The following TTLL3 variants were observed in gnomAD, a reference collection of about 807,000 sequenced individuals.
The protein encoded by TTLL3 is tubulin tyrosine ligase like 3, also known as tubulin monoglycylase TTLL3.
TTLL3 carries 63 observed loss-of-function variants against 75.2 expected under a neutral mutation model. The ratio of observed to expected loss-of-function variants is 0.84; its 90% CI spans 0.68 to 1.03. TTLL3 has a LOEUF of 1.03. Ranked by LOEUF, TTLL3 falls within the 50% of genes least tolerant of loss-of-function variation. TTLL3 has a pLI of 0.00. For missense variants in TTLL3, 997 were observed against 1,069.9 expected, an observed-to-expected ratio of 0.93 and a Z score of 0.95; for synonymous variants, 393 against 418.5, an observed-to-expected ratio of 0.94 and a Z score of 0.74.
At chr3:9,819,711 T>C in intron 7 of TTLL3, 16 of 985,414 alleles carry the variant, frequency 1.6e-5, no homozygotes, top group Non-Finnish European at 1.9e-5. Context: ...CAGGGACCCA[T>C]CAGCGAGGGA....
intron 4 of TTLL3, among the ~76,000 whole-genome samples, chr3:9,813,845 G>C (rs1032448789): frequency 1.3e-5 from 2 of 152,012 alleles, no homozygotes; most frequent in Admixed American, 6.6e-5. Flanking sequence ...GGACACAGCA[G>C]GGCTGTGTCC....
chr3:9,810,412 C>A lies in TTLL3; in HGVS notation c.-42+18C>A. On this transcript the variant is annotated intron_variant, in intron 1 of 13. Transcript: ENST00000685419. The surrounding 1 kb of genome is among the most constrained non-coding windows in gnomAD (Gnocchi z 4.4). ...GCAGGATGGTGAGGCCCGTGCGGCC[C>A]GCTCGCTCTGGCCTACAGCGGCTGC... is the stretch of plus-strand genomic sequence containing the variant. The A allele has an allele frequency of 7.1e-7, 1 of 1,413,186 alleles. No individual in the cohort carries two copies. The allele number at this position is 1,413,186 out of a possible 1,614,324, so 87.5% of individuals were successfully genotyped here.
chr3:9,822,363 G>A (rs913745287), intron 8 of TTLL3, among the ~76,000 whole-genome samples: 11 of 151,904 alleles, frequency 7.2e-5, no homozygotes, highest in Non-Finnish European at 1.2e-4. Flanking sequence ...CACCGCGCCC[G>A]GCCATGAGTC....
chr3:9,820,333 C>G, intron 7 of TTLL3: 3 of 1,420,308 alleles, frequency 2.1e-6, no homozygotes, highest in Non-Finnish European at 2.8e-6. Context: ...AGTGACAGGT[C>G]CTGGGACAGT....
rs140122458 is a variant in TTLL3, at chr3:9,834,740, C to A, written c.1885C>A (p.Arg629=). Residue 629 remains arginine (R), a synonymous_variant, in exon 13 of 14, where the codon CGA becomes AGA. Transcript: ENST00000685419. The part of the protein sequence containing the change: ...KAQLPSPHVL[R]HQGQVLRRQH... Reference sequence around the variant, plus strand: ...CCAGCTGCCTTCTCCCCATGTACTCCGACACCAGGGCCAGGTCCTCAGACG... The same window carrying A: ...CCAGCTGCCTTCTCCCCATGTACTCAGACACCAGGGCCAGGTCCTCAGACG... The A allele has an allele frequency of 1.7e-5, 28 of 1,614,076 alleles. No homozygotes were observed. In the South Asian group the frequency reaches 2.0e-4, roughly 11 times the overall value.
intron 8 of TTLL3, among the ~76,000 whole-genome samples, chr3:9,825,196 A>G (rs2080906598): frequency 1.3e-5 from 2 of 152,172 alleles, no homozygotes; most frequent in South Asian, 4.1e-4. Context: ...CAAAAAATAA[A>G]AATTAGCTTG....
intron 12 of TTLL3, chr3:9,834,259 CG>C: frequency 2.5e-6 from 1 of 407,836 alleles, no homozygotes; most frequent in South Asian, 1.8e-5. Context: ...CCAGCGCCCA[CG>C]CTTTTCCCAC....
In TTLL3 at chr3:9,835,560, T is replaced by A; in HGVS notation, c.*71T>A. The A allele has an allele frequency of 7.0e-7, 1 of 1,429,782 alleles. No individual in the cohort carries two copies. The highest frequency in any genetic ancestry group is 9.4e-7 in the Non-Finnish European group (1 of 1,066,070). 88.6% of individuals were successfully genotyped at this position (1,429,782 alleles called of 1,614,324 possible). On this transcript the variant is annotated 3_prime_UTR_variant, in exon 14 of 14. Transcript: ENST00000685419. Reference sequence around the variant, plus strand: ...TAAGGACAGACATGGGGCTTCCTATTTAGGGACTCCCCCAGCATCTCCGAT... The same window carrying A: ...TAAGGACAGACATGGGGCTTCCTATATAGGGACTCCCCCAGCATCTCCGAT...
rs1349594802 is a variant in TTLL3, at chr3:9,829,079, A to T, written c.1367A>T (p.Glu456Val). The change falls in exon 11 of 14, where the codon GAG becomes GTG. Residue 456 changes from glutamate (E) to valine (V), a missense_variant. Physicochemically the swap from Glu to Val is moderately radical, Grantham distance 121. Transcript: ENST00000685419. Reference sequence around the variant, plus strand: ...CAGAGGTTCCAGGCCCACCTGCAGGAGATGGGTGCCCCAAATGCTTGGTCC... The same window carrying T: ...CAGAGGTTCCAGGCCCACCTGCAGGTGATGGGTGCCCCAAATGCTTGGTCC... ...SSQRFQAHLQEMGAPNAWSTI... is the reference protein window; with the variant it reads ...SSQRFQAHLQVMGAPNAWSTI... The T allele has an allele frequency of 1.2e-6, 2 of 1,614,252 alleles. No individual in the cohort carries two copies.
Position 9,810,839 on chromosome 3 carries a change from A to G in TTLL3, c.48+130A>G. On this transcript the variant is annotated intron_variant, in intron 2 of 13. Coordinates refer to ENST00000685419, the MANE Select transcript of TTLL3 (RefSeq NM_001387446.1). The surrounding 1 kb of genome is among the most constrained non-coding windows in gnomAD (Gnocchi z 4.4). ...ACAATAGCAAAAATCCTCAACCACC[A>G]CACCCATCTTCAACTACCTCCCCGT... The G allele has an allele frequency of 1.2e-6, 1 of 856,500 alleles. No homozygotes were observed. Among genetic ancestry groups the G allele is most frequent in the Non-Finnish European group, 1.8e-6 (1 of 568,452 alleles). The allele number at this position is 856,500 out of a possible 1,614,324, so 53.1% of individuals were successfully genotyped here.
In TTLL3 at chr3:9,825,866, G is replaced by A. The variant is rs761703563; in HGVS notation, c.921G>A (p.Leu307=). The A allele has an allele frequency of 1.9e-6, 3 of 1,614,150 alleles. No individual in the cohort carries two copies. In the Admixed American group the frequency reaches 5.0e-5, roughly 27 times the overall value. ...GCTGTGAGGACATCCTGCAGCAGCT[G>A]CAGGCCGTGGTACCCCAGATAGACA... ...VQRCEDILQQ[L]QAVVPQIDME... Residue 307 remains leucine, a synonymous_variant, in exon 9 of 14, where the codon CTG becomes CTA. Coordinates refer to ENST00000685419, the MANE Select transcript of TTLL3 (RefSeq NM_001387446.1).
intron 10 of TTLL3, chr3:9,827,517 C>T (rs761311188): frequency 2.3e-6 from 1 of 430,354 alleles, no homozygotes; most frequent in Non-Finnish European, 4.1e-6. Flanking sequence ...ATCCTTCCTC[C>T]TCAGCCTCCC....
rs763069267 is a variant in TTLL3, at chr3:9,820,621, C to T, written c.734C>T (p.Ala245Val). The T allele has an allele frequency of 4.3e-6, 7 of 1,613,972 alleles. No homozygotes were observed. In the Admixed American group the frequency reaches 5.0e-5, roughly 12 times the overall value. The change falls in exon 8 of 14, where the codon GCG becomes GTG. Residue 245 changes from alanine to valine, a missense_variant. Physicochemically the swap from Ala to Val is moderately conservative, Grantham distance 64. Transcript: ENST00000685419. ...SPEFVDEALC[A>V]CEEYLSNLAH... ...GAGTTTGTGGATGAAGCTCTGTGTG[C>T]GTGCGAGGAGTACCTTAGCAACTTG...
chr3:9,829,490 T>A, intron 11 of TTLL3, 95 bp downstream of exon 11: 1 of 1,448,274 alleles, frequency 6.9e-7, no homozygotes, highest in Non-Finnish European at 9.1e-7. Context: ...TCAGACCCAG[T>A]TTAAGACCCA....
chr3:9,835,604 A>G lies in TTLL3; in HGVS notation c.*115A>G. 9.4e-7 allele frequency: 1 copy of G among 1,059,418 alleles called. No homozygotes were observed. Among genetic ancestry groups the G allele is most frequent in the South Asian group, 1.7e-5 (1 of 59,804 alleles). 65.6% of individuals were successfully genotyped at this position (1,059,418 alleles called of 1,614,324 possible). On this transcript the variant is annotated 3_prime_UTR_variant, in exon 14 of 14. Coordinates refer to ENST00000685419, the MANE Select transcript of TTLL3 (RefSeq NM_001387446.1). ...CTCCGATCCAGGGGTGGGGAGCGTG[A>G]GCCTTCACTTTACAGATGAAGAAAC...
At chr3:9,815,982 C>G (rs1056386912) in intron 4 of TTLL3, 92 bp from the exon 5 acceptor site, 25 of 1,210,512 alleles carry the variant, frequency 2.1e-5, no homozygotes, top group Non-Finnish European at 2.6e-5. Context: ...CCTTCCTGTT[C>G]ACCCACCCTG....
In TTLL3 at chr3:9,834,707, AC is replaced by A. The variant is rs763917134; in HGVS notation, c.1854del (p.Lys619ArgfsTer37). ...EARHHFPSLHTKAQLPSPHVL... is the reference protein window; with the variant it reads ...EARHHFPSLHXKAQLPSPHVL... ...CCGTCACCACTTCCCCAGCCTCCAC[AC>A]CAAGGCCCAGCTGCCTTCTCCCCAT... On this transcript the variant is annotated frameshift_variant, in exon 13 of 14. Transcript: ENST00000685419. LOFTEE classifies it high-confidence loss of function. 115 of 1,613,890 alleles carry A rather than the reference AC, an allele frequency of 7.1e-5. No individual in the cohort carries two copies. The highest frequency in any genetic ancestry group is 9.2e-5 in the Non-Finnish European group (109 of 1,180,012).
Position 9,810,850 on chromosome 3 carries a change from C to T in TTLL3, c.48+141C>T, listed in dbSNP as rs1186171369. 11 of 779,738 alleles carry T rather than the reference C, an allele frequency of 1.4e-5. No homozygotes were observed. Among genetic ancestry groups the T allele is most frequent in the Non-Finnish European group, 2.2e-5 (11 of 498,676 alleles). 48.3% of individuals were successfully genotyped at this position (779,738 alleles called of 1,614,324 possible). ...AATCCTCAACCACCACACCCATCTT[C>T]AACTACCTCCCCGTTTACCCCTTCA... is the stretch of plus-strand genomic sequence containing the variant. On this transcript the variant is annotated intron_variant, in intron 2 of 13. Coordinates refer to ENST00000685419, the MANE Select transcript of TTLL3 (RefSeq NM_001387446.1). The surrounding 1 kb of genome is among the most constrained non-coding windows in gnomAD (Gnocchi z 4.4).
intron 11 of TTLL3, among the ~76,000 whole-genome samples, chr3:9,829,800 G>T (rs1038105818): frequency 1.3e-5 from 2 of 152,112 alleles, no homozygotes; most frequent in African/African-American, 4.8e-5. Flanking sequence ...ACAAAGTTAG[G>T]TACTATGAGT....
Sources: gnomAD v4.1 joint callset for allele counts (sites outside exome capture counted in the v4.1 genomes callset) on GRCh38, gnomAD v4.1.1 for gene constraint, Gnocchi (gnomAD v3.1) non-coding constraint, MANE v1.5 for transcripts, NCBI Gene and HGNC (gene_info 2026-07-23, HGNC 2026-07-21) for gene names.